The following KCNH1 variants were observed in gnomAD, a reference collection of about 807,000 sequenced individuals.
KCNH1 encodes the protein voltage-gated delayed rectifier potassium channel KCNH1.
In KCNH1, 27 loss-of-function variants were observed where a neutral mutation model predicts 69.2. The ratio of observed to expected loss-of-function variants is 0.39; its 90% CI spans 0.29 to 0.54. The LOEUF is 0.54. KCNH1 is among the 20% of genes least tolerant of loss of function. The probability of loss-of-function intolerance (pLI) is 0.68; values close to 1 mark genes in which losing one functional copy is unlikely to be tolerated. For synonymous variants in KCNH1, 456 were observed against 487.7 expected (o/e 0.93, Z 0.86); for missense variants, 798 against 1,261.6 (o/e 0.63, Z 5.57).
chr1:210,692,678 A>G (rs1044963594), intron 10 of KCNH1, among the ~76,000 whole-genome samples: 2 of 152,224 alleles, frequency 1.3e-5, no homozygotes, highest in African/African-American at 4.8e-5. Flanking sequence ...GGAAAAATGC[A>G]GAACACAGAG....
intron 10 of KCNH1, among the ~76,000 whole-genome samples, chr1:210,735,615 G>T (rs948238437): frequency 1.3e-5 from 2 of 152,058 alleles, no homozygotes; most frequent in African/African-American, 4.8e-5. Context: ...CCCTAACCTA[G>T]TGCTGCAAGA....
chr1:210,809,742 G>A (rs1454043994), intron 7 of KCNH1, among the ~76,000 whole-genome samples: 1 of 152,188 alleles, frequency 6.6e-6, no homozygotes, highest in Non-Finnish European at 1.5e-5. Context: ...CAAAAGGGAG[G>A]AGCAGCATCA....
chr1:210,984,878 C>G (rs975050033), intron 6 of KCNH1, among the ~76,000 whole-genome samples: 56 of 152,266 alleles, frequency 3.7e-4, no homozygotes, highest in African/African-American at 1.3e-3. Flanking sequence ...CCTCTTTGTA[C>G]CTCTGGTAGA....
rs541136372 is a variant in KCNH1 at position 210,920,250 on chromosome 1, T to C, written c.1033-181A>G. Among the ~76,000 whole-genome samples, 125 of 152,232 alleles carry C rather than the reference T, an allele frequency of 8.2e-4. 9 individuals are homozygous for C. The highest frequency in any genetic ancestry group is 2.8e-4 in the Non-Finnish European group (19 of 68,044). On this transcript the variant is annotated intron_variant, in intron 6 of 10. Coordinates refer to ENST00000271751, the MANE Select transcript of KCNH1 (RefSeq NM_172362.3). ...AAGATGTATGGAATGGAAATTCCCA[T>C]TAGCATTTTCTACTTCCATTAAAAA...
intron 6 of KCNH1, among the ~76,000 whole-genome samples, chr1:210,992,930 G>A (rs1688961590): frequency 6.6e-6 from 1 of 151,976 alleles, no homozygotes; most frequent in African/African-American, 2.4e-5. Flanking sequence ...TACTTTCATG[G>A]GTCTGTCTTT....
intron 10 of KCNH1, among the ~76,000 whole-genome samples, chr1:210,725,494 C>G (rs1682567015): frequency 6.6e-6 from 1 of 152,126 alleles, no homozygotes; most frequent in South Asian, 2.1e-4. Flanking sequence ...CAATGGGTGG[C>G]TAAATGATGG....
At chr1:210,691,443 G>A (rs377091785) in intron 10 of KCNH1, among the ~76,000 whole-genome samples, 2 of 152,172 alleles carry the variant, frequency 1.3e-5, no homozygotes, top group African/African-American at 4.8e-5. Context: ...TAATGAAACC[G>A]AGTGTAGAAA....
intron 6 of KCNH1, among the ~76,000 whole-genome samples, chr1:211,000,208 G>A (rs1689146276): frequency 6.6e-6 from 1 of 152,208 alleles, no homozygotes; most frequent in Non-Finnish European, 1.5e-5. Flanking sequence ...ATTAGAAAAA[G>A]AGGAAGTCAA....
intron 5 of KCNH1, among the ~76,000 whole-genome samples, chr1:211,041,929 AT>A (rs1454314688): frequency 1.3e-5 from 2 of 152,014 alleles, no homozygotes; most frequent in Non-Finnish European, 2.9e-5. Flanking sequence ...TAATTTTTGT[AT>A]TTTTGGTAGG....
intron 7 of KCNH1, among the ~76,000 whole-genome samples, chr1:210,846,762 G>T (rs1272171653): frequency 6.6e-6 from 1 of 151,758 alleles, no homozygotes; most frequent in Non-Finnish European, 1.5e-5. Flanking sequence ...CTTCTGCACA[G>T]CAAAAGAAAC....
chr1:210,724,440 G>A (rs866021092), intron 10 of KCNH1, among the ~76,000 whole-genome samples: 1 of 152,000 alleles, frequency 6.6e-6, no homozygotes, highest in Non-Finnish European at 1.5e-5. Flanking sequence ...ATTTTTCTCT[G>A]CAATATTATC....
intron 8 of KCNH1, among the ~76,000 whole-genome samples, chr1:210,803,152 G>C (rs968022745): frequency 1.3e-5 from 2 of 152,152 alleles, no homozygotes; most frequent in Non-Finnish European, 2.9e-5. Flanking sequence ...ACCAAGGCTA[G>C]AGTGCAGTGG....
At chr1:210,703,160 A>G (rs910015333) in intron 10 of KCNH1, among the ~76,000 whole-genome samples, 11 of 152,228 alleles carry the variant, frequency 7.2e-5, no homozygotes, top group Non-Finnish European at 8.8e-5. Context: ...TCCCTTCTGC[A>G]TGGCACAACA....
chr1:211,030,533 TG>T (rs1010082291), intron 5 of KCNH1, among the ~76,000 whole-genome samples: 34 of 152,282 alleles, frequency 2.2e-4, no homozygotes, highest in Admixed American at 1.3e-4. Context: ...ACAAACGGCA[TG>T]GGAACAAGTG....
chr1:210,978,140 G>A (rs1183196531), intron 6 of KCNH1, among the ~76,000 whole-genome samples: 1 of 151,058 alleles, frequency 6.6e-6, no homozygotes, highest in South Asian at 2.1e-4. Flanking sequence ...CCTGGTTCAC[G>A]CCATTCCCCT....
At position 210,784,524 on chromosome 1, in the gene KCNH1, G is replaced by GT. The variant is rs1196252537; in HGVS notation, c.1916-8981dup. 1.1e-4 allele frequency among the ~76,000 whole-genome samples: 16 copies of GT among 152,180 alleles called. No individual in the cohort carries two copies. The East Asian group carries it at 2.3e-3, about 22-fold the overall frequency. ...GGGGTGTCAAGTGCTTAACCGACAT[G>GT]TTTTTTTGGATTTCTTATGCCAACA... On this transcript the variant is annotated intron_variant, in intron 9 of 10. Transcript: ENST00000271751.
At chr1:210,873,830 A>T (rs1686305932) in intron 7 of KCNH1, among the ~76,000 whole-genome samples, 1 of 152,262 alleles carries the variant, frequency 6.6e-6, no homozygotes, top group South Asian at 2.1e-4. Flanking sequence ...AGTCAAACAG[A>T]CCAATAATTA....
intron 7 of KCNH1, among the ~76,000 whole-genome samples, chr1:210,854,487 C>A (rs1310186385): frequency 6.6e-6 from 1 of 152,340 alleles, no homozygotes; most frequent in African/African-American, 2.4e-5. Context: ...ACAGAGCCAA[C>A]TTTTACCCAT....
chr1:210,896,130 T>A (rs1686861651), intron 7 of KCNH1, among the ~76,000 whole-genome samples: 1 of 152,214 alleles, frequency 6.6e-6, no homozygotes, highest in Non-Finnish European at 1.5e-5. Context: ...GGATGTTAGC[T>A]GGTATAGGAC....
Sources: allele counts gnomAD v4.1 joint callset (sites outside exome capture counted in the v4.1 genomes callset), GRCh38; gene constraint gnomAD v4.1.1; transcripts MANE v1.5; gene names NCBI Gene and HGNC (gene_info 2026-07-23, HGNC 2026-07-21).